OR8G1: variants seen among roughly 807,000 people sequenced by gnomAD.
OR8G1 encodes olfactory receptor 8G1.
For missense variants in OR8G1, 372 were observed against 356.2 expected (o/e 1.04, Z -0.36); for synonymous variants, 129 against 133.3 (o/e 0.97, Z 0.22).
At chr11:124,247,452 A>T (rs1051901695) in intron 1 of OR8G1, among the ~76,000 whole-genome samples, 1 of 151,854 alleles carries the variant, frequency 6.6e-6, no homozygotes, top group African/African-American at 2.4e-5. Context: ...AAATTTAGGA[A>T]AGTTGAGAAG....
rs1297381534 is a variant in OR8G1, at chr11:124,253,142, T to C, written c.*2531T>C. ...CCGTTAGAAAACTATTTATGTTTGC[T>C]GAGTGCAGTGGCTCATGCCTGTAGT... On this transcript the variant is annotated 3_prime_UTR_variant, in exon 3 of 3. Coordinates refer to ENST00000641972, the MANE Select transcript of OR8G1 (RefSeq NM_001002905.2). 1 of 152,234 alleles carries C rather than the reference T, an allele frequency of 6.6e-6. No individual in the cohort carries two copies. Among genetic ancestry groups the C allele is most frequent in the African/African-American group, 2.4e-5 (1 of 41,474 alleles). The allele number at this position is 152,234 out of a possible 1,614,324, so 9.4% of individuals were successfully genotyped here. A position where few individuals can be genotyped will look rare whatever the true frequency, so the allele number is the denominator to read the frequency against.
intron 2 of OR8G1, among the ~76,000 whole-genome samples, chr11:124,249,182 A>T (rs1861839474): frequency 6.6e-6 from 1 of 152,126 alleles, no homozygotes; most frequent in African/African-American, 2.4e-5. Flanking sequence ...TAAAATATGA[A>T]AATTTTATGT....
chr11:124,249,260 C>T (rs989764818), intron 2 of OR8G1, among the ~76,000 whole-genome samples: 2 of 152,028 alleles, frequency 1.3e-5, no homozygotes, highest in African/African-American at 4.8e-5. Context: ...TCTGTTCACC[C>T]CTCCCAGAAA....
In OR8G1 at chr11:124,250,081, A is replaced by C. The variant is rs765523909; in HGVS notation, c.406A>C (p.Ile136Leu). Residue 136 changes from isoleucine (I) to leucine (L), a missense_variant, in exon 3 of 3, where the codon ATA becomes CTA. Transcript: ENST00000641972. ...TAGCCCCTTGCTGTACAGTGTCATCATATCCAATAAGGCTTGCTTTTCTCT... is the reference window on the plus strand; with the variant it reads ...TAGCCCCTTGCTGTACAGTGTCATCCTATCCAATAAGGCTTGCTTTTCTCT... ...ICSPLLYSVI[I>L]SNKACFSLIL... 6.2e-7 allele frequency: 1 copy of C among 1,613,766 alleles called. No homozygotes were observed. The highest frequency in any genetic ancestry group is 8.5e-7 in the Non-Finnish European group (1 of 1,179,818).
At chr11:124,245,941 A>G (rs1861806858) in intron 1 of OR8G1, among the ~76,000 whole-genome samples, 3 of 135,990 alleles carry the variant, frequency 2.2e-5, no homozygotes, top group South Asian at 2.8e-4. Context: ...GTAGGTTGCG[A>G]AAATTTTCTC....
At chr11:124,242,088 T>TATTA (rs1261241451) in intron 1 of OR8G1, among the ~76,000 whole-genome samples, 1 of 139,380 alleles carries the variant, frequency 7.2e-6, no homozygotes, top group Non-Finnish European at 1.6e-5. Context: ...TTTATATATT[T>TATTA]TTATTATTAT....
chr11:124,249,943 A>G lies in OR8G1; in HGVS notation c.268A>G (p.Asn90Asp). The G allele has an allele frequency of 6.2e-7, 1 of 1,614,058 alleles. No individual in the cohort carries two copies. The highest frequency in any genetic ancestry group is 8.5e-7 in the Non-Finnish European group (1 of 1,179,990). Residue 90 changes from asparagine (N) to aspartate (D), a missense_variant, in exon 3 of 3, where the codon AAC (asparagine) becomes GAC (aspartate). Transcript: ENST00000641972. ...GCTGGTGAACTTTGTGACAGAGAAG[A>G]ACATCATCTCCTACCCTGAATGCAT... The part of the protein sequence containing the change: ...KMLVNFVTEK[N>D]IISYPECMTQ...
intron 1 of OR8G1, among the ~76,000 whole-genome samples, chr11:124,244,616 G>C (rs1861794434): frequency 6.6e-6 from 1 of 151,854 alleles, no homozygotes; most frequent in African/African-American, 2.4e-5. Flanking sequence ...TTACATCCTA[G>C]AAAGGAAGGC....
In OR8G1 at chr11:124,250,793, A is replaced by G. The variant is rs1333781655; in HGVS notation, c.*182A>G. On this transcript the variant is annotated 3_prime_UTR_variant, in exon 3 of 3. Coordinates refer to ENST00000641972, the MANE Select transcript of OR8G1 (RefSeq NM_001002905.2). ...TTTCCCATGTGGGGTTTTAACTCAT[A>G]TGTATCAATGAGACACAAATTAATA... 1.7e-4 allele frequency: 52 copies of G among 308,340 alleles called. 12 individuals are homozygous for G. In the East Asian group the frequency reaches 2.5e-3, roughly 15 times the overall value. The allele number at this position is 308,340 out of a possible 1,614,324, so 19.1% of individuals were successfully genotyped here.
Position 124,249,889 on chromosome 11 carries a change from T to G in OR8G1, c.214T>G (p.Cys72Gly), listed in dbSNP as rs772655539. 1.2e-6 allele frequency: 2 copies of G among 1,614,054 alleles called. No individual in the cohort carries two copies. The highest frequency in any genetic ancestry group is 1.7e-6 in the Non-Finnish European group (2 of 1,179,968). ...CAGCAGTCTGTCCTTCATTGACTTC[T>G]GCCATTCCACTGTCATTACCCCTAA... ...FLSSLSFIDF[C>G]HSTVITPKML... is the part of the protein sequence containing the mutation. Residue 72 changes from cysteine to glycine, a missense_variant, in exon 3 of 3, where the codon TGC becomes GGC. Coordinates refer to ENST00000641972, the MANE Select transcript of OR8G1 (RefSeq NM_001002905.2).
intron 1 of OR8G1, among the ~76,000 whole-genome samples, chr11:124,245,809 C>T (rs1861805567): frequency 6.6e-6 from 1 of 150,826 alleles, no homozygotes; most frequent in Non-Finnish European, 1.5e-5. Flanking sequence ...GCATAAATGT[C>T]TTCTTTTGAG....
chr11:124,247,031 G>T (rs926489577), intron 1 of OR8G1, among the ~76,000 whole-genome samples: 3 of 151,640 alleles, frequency 2.0e-5, no homozygotes, highest in Admixed American at 2.0e-4. Flanking sequence ...GTGGGGTTCA[G>T]ATGGAAATTT....
chr11:124,250,286 C>T lies in OR8G1; in HGVS notation c.611C>T (p.Ala204Val). The T allele has an allele frequency of 1.2e-6, 2 of 1,613,732 alleles. No individual in the cohort carries two copies. Among genetic ancestry groups the T allele is most frequent in the East Asian group, 4.5e-5 (2 of 44,868 alleles). ...AAACTACTTATTCTATGTGTTGGTGCATTTAACATCCTTGTCCCCAGCCTG... is the reference window on the plus strand; with the variant it reads ...AAACTACTTATTCTATGTGTTGGTGTATTTAACATCCTTGTCCCCAGCCTG... The part of the protein sequence containing the change: ...VNKLLILCVG[A>V]FNILVPSLTI... Residue 204 changes from alanine (A) to valine (V), a missense_variant, in exon 3 of 3, where the codon GCA becomes GTA. Ala to Val is a moderately conservative substitution (Grantham distance 64). Transcript: ENST00000641972.
Position 124,251,526 on chromosome 11 carries a change from A to G in OR8G1, c.*915A>G, listed in dbSNP as rs1362386179. On this transcript the variant is annotated 3_prime_UTR_variant, in exon 3 of 3. Coordinates refer to ENST00000641972, the MANE Select transcript of OR8G1 (RefSeq NM_001002905.2). ...CTATTCTATGCTAAGATGTATGTGT[A>G]TTTGTTCTGTGAAAAATCCCAATGC... 9 of 456,030 alleles carry G rather than the reference A, an allele frequency of 2.0e-5. 2 individuals carry two copies. The highest frequency in any genetic ancestry group is 2.5e-5 in the Non-Finnish European group (7 of 274,516). 28.2% of individuals were successfully genotyped at this position (456,030 alleles called of 1,614,324 possible).
chr11:124,246,509 G>A (rs1280229212), intron 1 of OR8G1, among the ~76,000 whole-genome samples: 1 of 151,656 alleles, frequency 6.6e-6, no homozygotes, highest in Non-Finnish European at 1.5e-5. Context: ...TAATTGATAA[G>A]GGGTTAAATC....
chr11:124,243,608 C>T (rs187890733), intron 1 of OR8G1, among the ~76,000 whole-genome samples: 1 of 151,920 alleles, frequency 6.6e-6, no homozygotes, highest in South Asian at 2.1e-4. Flanking sequence ...AATCAATTCA[C>T]GTATTCATTG....
In OR8G1 at chr11:124,249,831, T is replaced by G. The variant is rs1861847447; in HGVS notation, c.156T>G (p.Ser52Arg). 2 of 1,613,978 alleles carry G rather than the reference T, an allele frequency of 1.2e-6. No homozygotes were observed. Among genetic ancestry groups the G allele is most frequent in the Non-Finnish European group, 1.7e-6 (2 of 1,179,944 alleles). The stretch of plus-strand genomic sequence containing the variant: ...GCATGACCACACTGATTTGGCTCAG[T>G]TCTCACCTGCACACCCCTATGTACT... ...NLGMTTLIWL[S>R]SHLHTPMYYF... Residue 52 changes from serine to arginine, a missense_variant, in exon 3 of 3, where the codon AGT becomes AGG. Transcript: ENST00000641972.
At chr11:124,241,734 G>A (rs1373611123) in intron 1 of OR8G1, among the ~76,000 whole-genome samples, 2 of 152,088 alleles carry the variant, frequency 1.3e-5, no homozygotes, top group African/African-American at 4.8e-5. Flanking sequence ...CAGAAAGACA[G>A]GTGTTGGTAA....
chr11:124,251,376 A>G lies in OR8G1; in HGVS notation c.*765A>G. On this transcript the variant is annotated 3_prime_UTR_variant, in exon 3 of 3. Transcript: ENST00000641972. ...TATGTATGTCATACTTACTTTATCT[A>G]TTTATCTCTCGAAGAGCTACATATG... The G allele has an allele frequency of 1.4e-6, 1 of 696,652 alleles. No individual in the cohort carries two copies. Among genetic ancestry groups the G allele is most frequent in the Non-Finnish European group, 2.2e-6 (1 of 445,314 alleles). The allele number at this position is 696,652 out of a possible 1,614,324, so 43.2% of individuals were successfully genotyped here. A position where few individuals can be genotyped will look rare whatever the true frequency, so the allele number is the denominator to read the frequency against.
Sources: allele counts gnomAD v4.1 joint callset (sites outside exome capture counted in the v4.1 genomes callset), GRCh38; gene constraint gnomAD v4.1.1; transcripts MANE v1.5; gene names NCBI Gene and HGNC (gene_info 2026-07-23, HGNC 2026-07-21).